The following ERP44 variants were observed in gnomAD, a reference collection of about 807,000 sequenced individuals.
The protein encoded by ERP44 is endoplasmic reticulum protein 44.
A neutral mutation model predicts 53.4 loss-of-function variants in ERP44; 25 were observed. The observed-to-expected ratio is 0.47, with a 90% CI of 0.34 to 0.65. The LOEUF (loss-of-function observed/expected upper bound fraction) is 0.65. Among genes scored for constraint, ERP44 ranks in the 30% least tolerant of loss-of-function variants. The pLI, the probability that ERP44 is intolerant of heterozygous loss-of-function variation, is 0.01. For missense variants in ERP44, 338 were observed against 493.2 expected, an observed-to-expected ratio of 0.69 and a Z score of 2.98; for synonymous variants, 145 against 161.2, an observed-to-expected ratio of 0.90 and a Z score of 0.76.
intron 1 of ERP44, among the ~76,000 whole-genome samples, chr9:100,066,000 G>A (rs1274877420): frequency 6.6e-6 from 1 of 152,092 alleles, no homozygotes; most frequent in African/African-American, 2.4e-5. Context: ...AAACTGCCAC[G>A]CTGGTATCAC....
At chr9:100,060,371 T>A (rs1022789788) in intron 1 of ERP44, among the ~76,000 whole-genome samples, 199 bp from the exon 2 acceptor site, 1 of 152,112 alleles carries the variant, frequency 6.6e-6, no homozygotes, top group Non-Finnish European at 1.5e-5. Context: ...AACCTAGAAA[T>A]TGGTCAAATA....
At chr9:100,066,749 T>G (rs1826213830) in intron 1 of ERP44, among the ~76,000 whole-genome samples, 1 of 152,214 alleles carries the variant, frequency 6.6e-6, no homozygotes, top group Admixed American at 6.5e-5. Flanking sequence ...CAGTTTCGCA[T>G]TAAGCTCGCA....
chr9:100,001,242 A>G (rs190678118), intron 10 of ERP44, among the ~76,000 whole-genome samples: 4 of 152,154 alleles, frequency 2.6e-5, no homozygotes, highest in Non-Finnish European at 4.4e-5. Context: ...AAATTTGGTA[A>G]GACTTGTTTG....
At chr9:100,080,677 G>A (rs1826412683) in intron 1 of ERP44, among the ~76,000 whole-genome samples, 2 of 152,182 alleles carry the variant, frequency 1.3e-5, no homozygotes, top group Admixed American at 6.5e-5. Context: ...TTGGATCAAC[G>A]AGTAGTTTCT....
intron 1 of ERP44, among the ~76,000 whole-genome samples, chr9:100,079,531 C>A (rs899340432): frequency 1.3e-5 from 2 of 152,002 alleles, no homozygotes; most frequent in South Asian, 4.1e-4. Context: ...GCCTGGCTGA[C>A]CCTCTTCTTA....
intron 1 of ERP44, among the ~76,000 whole-genome samples, chr9:100,086,016 G>A (rs1426930508): frequency 6.6e-6 from 1 of 152,154 alleles, no homozygotes; most frequent in Non-Finnish European, 1.5e-5. Flanking sequence ...ACTAGAGAAA[G>A]ATTATATTTT....
At chr9:100,026,300 C>T (rs1830652002) in intron 4 of ERP44, among the ~76,000 whole-genome samples, 1 of 152,138 alleles carries the variant, frequency 6.6e-6, no homozygotes, top group African/African-American at 2.4e-5. Flanking sequence ...AACCCTGTAT[C>T]AAGACCACAT....
In ERP44 at chr9:99,979,685, C is replaced by T; in HGVS notation, c.*2927G>A. 2.9e-6 allele frequency: 1 copy of T among 349,446 alleles called. No individual in the cohort carries two copies. The highest frequency in any genetic ancestry group is 5.1e-6 in the Non-Finnish European group (1 of 195,560). 21.6% of individuals were successfully genotyped at this position (349,446 alleles called of 1,614,324 possible). A position where few individuals can be genotyped will look rare whatever the true frequency, so the allele number is the denominator to read the frequency against. On this transcript the variant is annotated 3_prime_UTR_variant, in exon 12 of 12. Coordinates refer to ENST00000262455, the MANE Select transcript of ERP44 (RefSeq NM_015051.3). ...CCCCCTTTTGGTTCTGGGGACTCAACCGTGTTCTTCAGTCTGGTCTTGCAT... is the reference window on the plus strand; with the variant it reads ...CCCCCTTTTGGTTCTGGGGACTCAATCGTGTTCTTCAGTCTGGTCTTGCAT...
At chr9:100,014,799 C>T (rs1830512399) in intron 8 of ERP44, among the ~76,000 whole-genome samples, 1 of 152,122 alleles carries the variant, frequency 6.6e-6, no homozygotes. Flanking sequence ...CTATCTGACC[C>T]TTTGTTGAAA....
intron 3 of ERP44, 61 bp downstream of exon 3, chr9:100,057,759 A>G (rs746756113): frequency 4.4e-4 from 566 of 1,283,596 alleles, no homozygotes; most frequent in Non-Finnish European, 5.8e-4. Context: ...CTTTCTAGCA[A>G]AGAAAAATTA....
At chr9:100,017,358 G>A (rs1830534579) in intron 7 of ERP44, among the ~76,000 whole-genome samples, 1 of 152,132 alleles carries the variant, frequency 6.6e-6, no homozygotes, top group Non-Finnish European at 1.5e-5. Context: ...ATACTAAGAA[G>A]GTGGCACATT....
At position 99,979,983 on chromosome 9, in the gene ERP44, TC is replaced by T. The variant is rs1564081696; in HGVS notation, c.*2628del. The stretch of plus-strand genomic sequence containing the variant: ...CCAGCTCCCATTTCTTTTTCTAGCT[TC>T]CCCAACCCCAAATGCCTTACTAAAA... On this transcript the variant is annotated 3_prime_UTR_variant, in exon 12 of 12. Coordinates refer to ENST00000262455, the MANE Select transcript of ERP44 (RefSeq NM_015051.3). 2.5e-6 allele frequency: 1 copy of T among 398,566 alleles called. No homozygotes were observed. The highest frequency in any genetic ancestry group is 4.4e-6 in the Non-Finnish European group (1 of 226,052). The allele number at this position is 398,566 out of a possible 1,614,324, so 24.7% of individuals were successfully genotyped here. A position where few individuals can be genotyped will look rare whatever the true frequency, so the allele number is the denominator to read the frequency against.
intron 1 of ERP44, among the ~76,000 whole-genome samples, chr9:100,087,358 G>A (rs1826496630): frequency 6.6e-6 from 1 of 152,162 alleles, no homozygotes; most frequent in Admixed American, 6.5e-5. Context: ...AGACCACAAA[G>A]GCCGGAAGCT....
At chr9:100,078,375 T>G (rs572100617) in intron 1 of ERP44, among the ~76,000 whole-genome samples, 2 of 148,502 alleles carry the variant, frequency 1.3e-5, no homozygotes, top group Admixed American at 6.8e-5. Flanking sequence ...GGAGAATGAC[T>G]CAAACCTGGG....
At chr9:100,064,828 G>GA (rs1197751218) in intron 1 of ERP44, among the ~76,000 whole-genome samples, 1 of 151,814 alleles carries the variant, frequency 6.6e-6, no homozygotes, top group Non-Finnish European at 1.5e-5. Flanking sequence ...AAGCTAAAAA[G>GA]AAAAAAATAT....
chr9:99,997,663 C>T (rs1830327292), intron 10 of ERP44, among the ~76,000 whole-genome samples: 1 of 152,024 alleles, frequency 6.6e-6, no homozygotes, highest in Admixed American at 6.6e-5. Flanking sequence ...GGTTACAAAC[C>T]ACAAATGCAT....
chr9:100,049,517 C>A (rs1038086361), intron 4 of ERP44, among the ~76,000 whole-genome samples: 15 of 152,276 alleles, frequency 9.9e-5, no homozygotes, highest in Admixed American at 2.6e-4. Context: ...AGAATATTCT[C>A]AACGTCATTA....
At chr9:100,062,057 T>G (rs1485557121) in intron 1 of ERP44, among the ~76,000 whole-genome samples, 1 of 152,166 alleles carries the variant, frequency 6.6e-6, no homozygotes, top group South Asian at 2.1e-4. Flanking sequence ...CTCTAGACCC[T>G]GAGAAAAGGA....
At chr9:100,067,866 C>T (rs560280694) in intron 1 of ERP44, among the ~76,000 whole-genome samples, 14 of 150,944 alleles carry the variant, frequency 9.3e-5, no homozygotes, top group African/African-American at 3.4e-4. Context: ...AGTGAGGAGC[C>T]CCTCCGCCCG....
Sources: gnomAD v4.1 joint callset for allele counts (sites outside exome capture counted in the v4.1 genomes callset) on GRCh38, gnomAD v4.1.1 for gene constraint, MANE v1.5 for transcripts, NCBI Gene and HGNC (gene_info 2026-07-23, HGNC 2026-07-21) for gene names.